Variants in PPP2R3A observed in about 807,000 individuals in gnomAD.
The protein encoded by PPP2R3A is protein phosphatase 2 regulatory subunit B''alpha, also known as serine/threonine-protein phosphatase 2A regulatory subunit B'' subunit alpha.
A neutral mutation model predicts 106.9 loss-of-function variants in PPP2R3A; 80 were observed. The observed-to-expected ratio is 0.75, with a 90% CI of 0.62 to 0.90. The LOEUF is 0.90. Ranked by LOEUF, PPP2R3A falls within the 40% of genes least tolerant of loss-of-function variation. The probability of loss-of-function intolerance (pLI) is 0.00; values close to 1 mark genes in which losing one functional copy is unlikely to be tolerated. For synonymous variants in PPP2R3A, 483 were observed against 468.3 expected, an observed-to-expected ratio of 1.03 and a Z score of -0.41; for missense variants, 1,386 against 1,350.4, an observed-to-expected ratio of 1.03 and a Z score of -0.41.
chr3:136,119,389 G>A (rs923100700), intron 13 of PPP2R3A, among the ~76,000 whole-genome samples: 16 of 152,166 alleles, frequency 1.1e-4, no homozygotes, highest in Non-Finnish European at 2.2e-4. Context: ...TTAAACTAAA[G>A]AGTTTCTACA....
intron 5 of PPP2R3A, among the ~76,000 whole-genome samples, chr3:136,053,043 A>G (rs1935733773): frequency 6.6e-6 from 1 of 152,192 alleles, no homozygotes. Flanking sequence ...AAAACCAAAT[A>G]CCACATGTTC....
Position 136,055,548 on chromosome 3 carries a change from G to C in PPP2R3A, c.2469+6187G>C, listed in dbSNP as rs1576466918. On this transcript the variant is annotated intron_variant, in intron 5 of 13. Coordinates refer to ENST00000264977, the MANE Select transcript of PPP2R3A (RefSeq NM_002718.5). ...CTCATTCTCTGCATTCACTGACCAT[G>C]CTGCTCAAATCTTCACAGAGCGGGT... 5.2e-6 allele frequency: 7 copies of C among 1,353,252 alleles called. No homozygotes were observed. In the East Asian group the frequency reaches 1.6e-4, roughly 31 times the overall value. The allele number at this position is 1,353,252 out of a possible 1,614,324, so 83.8% of individuals were successfully genotyped here.
At position 136,007,226 on chromosome 3, in the gene PPP2R3A, T is replaced by C. The variant is rs72981456; in HGVS notation, c.1995+3733T>C. Among the ~76,000 whole-genome samples, 1,101 of 152,348 alleles carry C rather than the reference T, an allele frequency of 7.2e-3. 11 individuals are homozygous for C. Among genetic ancestry groups the C allele is most frequent in the African/African-American group, 0.026 (1,079 of 41,574 alleles). On this transcript the variant is annotated intron_variant, in intron 2 of 13. Coordinates refer to ENST00000264977, the MANE Select transcript of PPP2R3A (RefSeq NM_002718.5). ...CCACATCTGGGCTACTAGCCTCTGT[T>C]GGCCTTTATTTAGCATTAAATAGCT... is the stretch of plus-strand genomic sequence containing the variant.
chr3:135,996,971 C>G (rs1933424440), intron 1 of PPP2R3A, among the ~76,000 whole-genome samples: 2 of 152,166 alleles, frequency 1.3e-5, no homozygotes, highest in African/African-American at 4.8e-5. Flanking sequence ...CCCTGCCTCA[C>G]TAGGAAAGGT....
At chr3:136,018,652 A>C (rs1024559584) in intron 2 of PPP2R3A, among the ~76,000 whole-genome samples, 41 of 152,330 alleles carry the variant, frequency 2.7e-4, no homozygotes, top group African/African-American at 9.9e-4. Context: ...TTCAGGGTAC[A>C]TTTTAAACTT....
intron 9 of PPP2R3A, among the ~76,000 whole-genome samples, chr3:136,090,218 A>G (rs1937061474): frequency 6.6e-6 from 1 of 152,170 alleles, no homozygotes; most frequent in Non-Finnish European, 1.5e-5. Context: ...TCCATTCAGT[A>G]TAATGCTAGC....
intron 13 of PPP2R3A, chr3:136,106,885 A>G (rs1937526258): frequency 7.2e-6 from 1 of 138,696 alleles, no homozygotes; most frequent in Admixed American, 8.1e-5. Context: ...AGATCATGCC[A>G]TTGCACTCCA....
chr3:136,090,955 G>A (rs1180090577), intron 10 of PPP2R3A, among the ~76,000 whole-genome samples: 1 of 152,166 alleles, frequency 6.6e-6, no homozygotes, highest in Non-Finnish European at 1.5e-5. Flanking sequence ...GGGAATAGAT[G>A]CTATGAATTA....
At chr3:136,030,643 A>G (rs966934426) in intron 3 of PPP2R3A, among the ~76,000 whole-genome samples, 6 of 152,026 alleles carry the variant, frequency 3.9e-5, no homozygotes, top group Admixed American at 2.0e-4. Flanking sequence ...GAGTGAGAAC[A>G]TATGATGTTT....
intron 4 of PPP2R3A, among the ~76,000 whole-genome samples, chr3:136,046,805 C>G (rs114782279): frequency 6.6e-6 from 1 of 152,082 alleles, no homozygotes; most frequent in South Asian, 2.1e-4. Context: ...GGTAAGAAAG[C>G]TCAATGAAAT....
intron 1 of PPP2R3A, among the ~76,000 whole-genome samples, chr3:135,992,606 A>G (rs2107775595): frequency 6.6e-6 from 1 of 152,324 alleles, no homozygotes; most frequent in Non-Finnish European, 1.5e-5. Flanking sequence ...AAATTTCTCC[A>G]TGAAATTAGG....
In PPP2R3A at chr3:136,105,065, C is replaced by G. The variant is rs947724237; in HGVS notation, c.3223-1151C>G. Reference sequence around the variant, plus strand: ...AGAGATACTGGATATATGGAGATGGCAGAGATACAAGAACAAAAGGTGGCA... The same window carrying G: ...AGAGATACTGGATATATGGAGATGGGAGAGATACAAGAACAAAAGGTGGCA... On this transcript the variant is annotated intron_variant, in intron 12 of 13. Transcript: ENST00000264977. Among the ~76,000 whole-genome samples the G allele has an allele frequency of 1.8e-4, 28 of 152,148 alleles. 1 individual carries two copies. The highest frequency in any genetic ancestry group is 6.7e-4 in the African/African-American group (28 of 41,488).
chr3:136,072,030 C>T (rs540180709), intron 6 of PPP2R3A, among the ~76,000 whole-genome samples: 1 of 152,150 alleles, frequency 6.6e-6, no homozygotes, highest in East Asian at 1.9e-4. Flanking sequence ...CACTCTATTC[C>T]TTTGTCCTGC....
intron 6 of PPP2R3A, among the ~76,000 whole-genome samples, chr3:136,077,142 C>T (rs1936624617): frequency 6.6e-6 from 1 of 152,070 alleles, no homozygotes; most frequent in Admixed American, 6.5e-5. Context: ...TGTCCTGGGG[C>T]CTCCCATGGA....
intron 5 of PPP2R3A, among the ~76,000 whole-genome samples, chr3:136,063,952 A>T (rs1371577882): frequency 6.7e-6 from 1 of 150,268 alleles, no homozygotes; most frequent in Non-Finnish European, 1.5e-5. Flanking sequence ...ATGCTGCTAT[A>T]AAGACACACG....
At chr3:136,138,936 C>T (rs1471555332) in intron 13 of PPP2R3A, among the ~76,000 whole-genome samples, 4 of 151,862 alleles carry the variant, frequency 2.6e-5, no homozygotes, top group Non-Finnish European at 5.9e-5. Context: ...GTCTCGAACT[C>T]CCAACCTCAG....
At chr3:136,084,543 C>T (rs1269554302) in intron 8 of PPP2R3A, among the ~76,000 whole-genome samples, 5 of 152,252 alleles carry the variant, frequency 3.3e-5, no homozygotes, top group African/African-American at 1.2e-4. Context: ...TACTGGGACA[C>T]TGCCTAGTGG....
intron 6 of PPP2R3A, among the ~76,000 whole-genome samples, chr3:136,077,689 C>T (rs1038055238): frequency 6.6e-6 from 1 of 152,148 alleles, no homozygotes; most frequent in Non-Finnish European, 1.5e-5. Context: ...CTGGTCTTCT[C>T]CTACACCACA....
intron 13 of PPP2R3A, among the ~76,000 whole-genome samples, chr3:136,107,854 G>C (rs1019645090): frequency 6.6e-6 from 1 of 152,146 alleles, no homozygotes; most frequent in African/African-American, 2.4e-5. Context: ...TTGGCATTGA[G>C]CTTCCATACT....
Sources: gnomAD v4.1 joint callset for allele counts (sites outside exome capture counted in the v4.1 genomes callset) on GRCh38, gnomAD v4.1.1 for gene constraint, MANE v1.5 for transcripts, NCBI Gene and HGNC (gene_info 2026-07-23, HGNC 2026-07-21) for gene names.